EVC: variants seen among roughly 807,000 people sequenced by gnomAD.
EVC encodes EvC ciliary complex subunit 1, also known as evC complex member EVC.
In EVC, 116 loss-of-function variants were observed where a neutral mutation model predicts 118.9. The observed-to-expected ratio is 0.98, with a 90% CI of 0.84 to 1.14. The LOEUF is 1.14. Among genes scored for constraint, EVC ranks in the 50% most tolerant of loss-of-function variants. The probability of loss-of-function intolerance (pLI) is 0.00; values close to 1 mark genes in which losing one functional copy is unlikely to be tolerated. For synonymous variants in EVC, 619 were observed against 534.7 expected (o/e 1.16, Z -2.18); for missense variants, 1,401 against 1,246.4 (o/e 1.12, Z -1.87).
intron 1 of EVC, among the ~76,000 whole-genome samples, chr4:5,712,096 G>A (rs1022486686): frequency 1.3e-5 from 2 of 152,232 alleles, no homozygotes; most frequent in African/African-American, 4.8e-5. Flanking sequence ...CCTGCCTTGA[G>A]GCTGTGAACC....
chr4:5,777,509 C>T (rs1049522163), intron 11 of EVC, among the ~76,000 whole-genome samples: 5 of 152,118 alleles, frequency 3.3e-5, no homozygotes, highest in Admixed American at 1.3e-4. Flanking sequence ...AGGTAAAAGC[C>T]GCCCAAAGAC....
intron 3 of EVC, among the ~76,000 whole-genome samples, chr4:5,730,506 C>T (rs1726621366): frequency 6.6e-6 from 1 of 152,144 alleles, no homozygotes; most frequent in African/African-American, 2.4e-5. Context: ...AAGGGCATTT[C>T]TCCATCCTCT....
chr4:5,784,734 A>G (rs954618994), intron 12 of EVC, among the ~76,000 whole-genome samples: 1 of 150,890 alleles, frequency 6.6e-6, no homozygotes, highest in Non-Finnish European at 1.5e-5. Context: ...CAGCCTCCCA[A>G]GTAGCTGGGA....
chr4:5,718,044 G>C (rs1724273894), intron 1 of EVC, among the ~76,000 whole-genome samples: 1 of 152,182 alleles, frequency 6.6e-6, no homozygotes, highest in Admixed American at 6.5e-5. Flanking sequence ...TGTTTCTTTA[G>C]TGCAAAGATT....
the EVC span, among the ~76,000 whole-genome samples, chr4:5,823,743 G>A: frequency 6.6e-6 from 1 of 152,250 alleles, no homozygotes; most frequent in African/African-American, 2.4e-5. Flanking sequence ...CTCACCAGAA[G>A]CAGACGCTGG....
chr4:5,799,001 T>C (rs1298241571), intron 15 of EVC, among the ~76,000 whole-genome samples: 4 of 152,038 alleles, frequency 2.6e-5, no homozygotes, highest in Non-Finnish European at 1.5e-5. Flanking sequence ...GATCACCGGT[T>C]CTCCCCCTGC....
At chr4:5,801,671 CAAAAAAA>C (rs35554149) in intron 15 of EVC, 672 of 246,806 alleles carry the variant, frequency 2.7e-3, no homozygotes, top group South Asian at 6.6e-3. Context: ...GTCTCCATCT[CAAAAAAA>C]AAAAAAAAAA....
chr4:5,727,299 G>C (rs1447817783), intron 2 of EVC, among the ~76,000 whole-genome samples: 1 of 152,152 alleles, frequency 6.6e-6, no homozygotes, highest in Non-Finnish European at 1.5e-5. Flanking sequence ...TTGTGGTTTT[G>C]ATGTGCATTT....
At chr4:5,804,231 C>A (rs764453340) in intron 16 of EVC, among the ~76,000 whole-genome samples, 1 of 152,160 alleles carries the variant, frequency 6.6e-6, no homozygotes, top group African/African-American at 2.4e-5. Flanking sequence ...AGCCACCTCG[C>A]CCGGCCTCAC....
intron 20 of EVC, 104 bp downstream of exon 20, chr4:5,810,554 G>A (rs988276479): frequency 1.2e-6 from 1 of 833,584 alleles, no homozygotes; most frequent in Non-Finnish European, 2.0e-6. Flanking sequence ...TCCCCTCAGA[G>A]GCATTAAATG....
rs1005196981 is a variant in EVC at position 5,749,061 on chromosome 4, C to A, written c.1098+755C>A. Among the ~76,000 whole-genome samples, 1 of 151,986 alleles carries A rather than the reference C, an allele frequency of 6.6e-6. No homozygotes were observed. Among genetic ancestry groups the A allele is most frequent in the African/African-American group, 2.4e-5 (1 of 41,360 alleles). ...TTGACGCCCACTGGTGTAGACAGAG[C>A]ATTGATTGACTTTCCTGATTGCCCT... On this transcript the variant is annotated intron_variant, in intron 8 of 20. Coordinates refer to ENST00000264956, the MANE Select transcript of EVC (RefSeq NM_153717.3). The surrounding 1 kb of genome is among the most constrained non-coding windows in gnomAD (Gnocchi z 4.4).
rs531178222 is a variant in EVC, at chr4:5,731,698, C to G, written c.617+41C>G. ...AATGGAGGATGAGGCTTCCAGTCCT[C>G]TTGGAGTGGGCCGGGAGTCACATCA... On this transcript the variant is annotated intron_variant, in intron 4 of 20. Transcript: ENST00000264956. The surrounding 1 kb of genome is among the most constrained non-coding windows in gnomAD (Gnocchi z 5.6). 20 of 1,557,764 alleles carry G rather than the reference C, an allele frequency of 1.3e-5. No individual in the cohort carries two copies. Among genetic ancestry groups the G allele is most frequent in the Non-Finnish European group, 1.8e-5 (20 of 1,136,602 alleles).
chr4:5,818,307 C>T (rs556759697), downstream of EVC, among the ~76,000 whole-genome samples: 1 of 152,160 alleles, frequency 6.6e-6, no homozygotes, highest in Non-Finnish European at 1.5e-5. Context: ...TTGGGTATGT[C>T]TTTATCAGCA....
At chr4:5,810,576 G>T in intron 20 of EVC, 126 bp downstream of exon 20, 3 of 766,140 alleles carry the variant, frequency 3.9e-6, no homozygotes, top group Non-Finnish European at 6.9e-6. Flanking sequence ...GAAGGTTCAA[G>T]AAATGACAGA....
Position 5,797,116 on chromosome 4 carries a change from C to G in EVC, c.1981C>G (p.Gln661Glu), listed in dbSNP as rs1276607070. Residue 661 changes from glutamine (Q) to glutamate (E), a missense_variant, in exon 14 of 21, where the codon CAG becomes GAG. Coordinates refer to ENST00000264956, the MANE Select transcript of EVC (RefSeq NM_153717.3). ...CGGCAACGCCCTGGCCACCCTGACG[C>G]AGATGCGGCTATCGGGGAAGAAGCA... ...LRGNALATLT[Q>E]MRLSGKKHLL... The G allele has an allele frequency of 6.2e-7, 1 of 1,613,616 alleles. No homozygotes were observed. The highest frequency in any genetic ancestry group is 2.2e-5 in the East Asian group (1 of 44,872).
At chr4:5,804,489 A>G (rs1715536176) in intron 16 of EVC, among the ~76,000 whole-genome samples, 1 of 152,144 alleles carries the variant, frequency 6.6e-6, no homozygotes. Context: ...TTCTCCTGAT[A>G]CAAGAAAGCT....
chr4:5,794,341 AC>A (rs66655828), intron 13 of EVC, among the ~76,000 whole-genome samples: 37,043 of 119,882 alleles, frequency 0.31, 5,889 homozygotes, highest in South Asian at 0.55. Context: ...ATATTTATAT[AC>A]TTATATATAT....
chr4:5,818,097 T>C (rs1717975161), downstream of EVC, among the ~76,000 whole-genome samples: 1 of 152,084 alleles, frequency 6.6e-6, no homozygotes, highest in Non-Finnish European at 1.5e-5. Flanking sequence ...ATGGGGGCAG[T>C]TTCCCCCCAT....
At chr4:5,751,296 T>A (rs945168645) in intron 8 of EVC, among the ~76,000 whole-genome samples, 11 of 152,186 alleles carry the variant, frequency 7.2e-5, no homozygotes, top group Non-Finnish European at 1.3e-4. Context: ...CAGGGCCCCC[T>A]TCCCCCATTC....
Sources: allele counts gnomAD v4.1 joint callset (sites outside exome capture counted in the v4.1 genomes callset), GRCh38; gene constraint gnomAD v4.1.1; non-coding constraint Gnocchi (gnomAD v3.1); transcripts MANE v1.5; gene names NCBI Gene and HGNC (gene_info 2026-07-23, HGNC 2026-07-21).